SUMF1: variants seen among roughly 807,000 people sequenced by gnomAD.
SUMF1 encodes formylglycine-generating enzyme.
Under a neutral mutation model 47.6 loss-of-function variants are expected in SUMF1, and 48 were observed. The ratio of observed to expected loss-of-function variants is 1.01; its 90% confidence interval spans 0.80 to 1.28. The LOEUF (loss-of-function observed/expected upper bound fraction) is 1.28. Among genes scored for constraint, SUMF1 ranks in the 50% most tolerant of loss-of-function variants. The pLI is 0.00. For missense variants in SUMF1, 571 were observed against 485.4 expected (o/e 1.18, Z -1.66); for synonymous variants, 230 against 192.1 (o/e 1.20, Z -1.63).
chr3:4,114,461 C>T (rs1000847618), intron 8 of SUMF1, among the ~76,000 whole-genome samples: 1 of 152,152 alleles, frequency 6.6e-6, no homozygotes, highest in Admixed American at 6.5e-5. Flanking sequence ...TGTAACTGTT[C>T]ATATGATTTT....
rs1205765642 is a variant in SUMF1, at chr3:4,447,603, A to AC, written c.519+1662_519+1663insG. ...AAAAAAAAAAAGGTCTGGTGCAGTG[A>AC]ATGAAGGTAAGTCAGACCTTATGAG... On this transcript the variant is annotated intron_variant, in intron 3 of 8. Transcript: ENST00000272902. Among the ~76,000 whole-genome samples the AC allele has an allele frequency of 2.8e-3, 433 of 152,324 alleles. 2 individuals are homozygous for AC. The highest frequency in any genetic ancestry group is 9.8e-3 in the African/African-American group (407 of 41,574).
intron 8 of SUMF1, among the ~76,000 whole-genome samples, chr3:4,236,354 C>T (rs1696409206): frequency 6.6e-6 from 1 of 152,002 alleles, no homozygotes. Flanking sequence ...ATATAAGCAC[C>T]TTACAACTAC....
At chr3:4,307,180 C>T (rs980520983) in intron 8 of SUMF1, among the ~76,000 whole-genome samples, 1 of 152,158 alleles carries the variant, frequency 6.6e-6, no homozygotes, top group African/African-American at 2.4e-5. Flanking sequence ...AGGTTTTAAG[C>T]CTAGAATGTT....
chr3:4,069,957 C>G (rs1219603427), intron 8 of SUMF1, among the ~76,000 whole-genome samples: 2 of 152,118 alleles, frequency 1.3e-5, no homozygotes, highest in African/African-American at 2.4e-5. Flanking sequence ...GCCAGATACG[C>G]TTTTAGCTCT....
intron 8 of SUMF1, among the ~76,000 whole-genome samples, chr3:4,369,418 G>T (rs567256269): frequency 6.6e-6 from 1 of 152,242 alleles, no homozygotes. Flanking sequence ...TCCATGCAGG[G>T]CCTACTCGTC....
chr3:4,129,364 G>A (rs926949228), intron 8 of SUMF1, among the ~76,000 whole-genome samples: 3 of 152,062 alleles, frequency 2.0e-5, no homozygotes, highest in Non-Finnish European at 4.4e-5. Context: ...TTCTGGCATT[G>A]GCTAATCAAT....
At chr3:4,045,189 G>C (rs763637135) in intron 9 of SUMF1, among the ~76,000 whole-genome samples, 8 of 152,128 alleles carry the variant, frequency 5.3e-5, no homozygotes, top group Non-Finnish European at 8.8e-5. Context: ...GGTGGGTCTA[G>C]TTCAATCCAT....
intron 1 of SUMF1, among the ~76,000 whole-genome samples, chr3:4,455,318 A>C (rs1435165647): frequency 6.6e-6 from 1 of 152,248 alleles, no homozygotes; most frequent in Non-Finnish European, 1.5e-5. Context: ...ATAACCTTGA[A>C]AAAAATGAAT....
At chr3:4,124,194 G>A (rs1389644966) in intron 8 of SUMF1, among the ~76,000 whole-genome samples, 1 of 152,024 alleles carries the variant, frequency 6.6e-6, no homozygotes, top group Non-Finnish European at 1.5e-5. Context: ...CTGCACTTGG[G>A]GAGACAGAAT....
intron 8 of SUMF1, among the ~76,000 whole-genome samples, chr3:4,162,388 G>C (rs1483318422): frequency 6.6e-6 from 1 of 152,164 alleles, no homozygotes; most frequent in South Asian, 2.1e-4. Context: ...ACTTGACTAG[G>C]ACTTGCAGTC....
In SUMF1 at chr3:4,241,202, A is replaced by G. The variant is rs566978815; in HGVS notation, c.1014+135128T>C. ...TCTCCAAATATATCTGTGTAATAGAACATTTCCACAGAGTGCAAAGGATCT... is the reference window on the plus strand; with the variant it reads ...TCTCCAAATATATCTGTGTAATAGAGCATTTCCACAGAGTGCAAAGGATCT... On this transcript the variant is annotated intron_variant and NMD_transcript_variant, in intron 8 of 12. Transcript: ENST00000448413. 2.4e-4 allele frequency among the ~76,000 whole-genome samples: 36 copies of G among 152,292 alleles called. 1 individual carries two copies. In the South Asian group the frequency reaches 7.5e-3, roughly 32 times the overall value.
chr3:4,261,591 A>G (rs534564107), intron 8 of SUMF1, among the ~76,000 whole-genome samples: 3 of 152,322 alleles, frequency 2.0e-5, no homozygotes, highest in South Asian at 2.1e-4. Context: ...CTTAGGTGTC[A>G]ACCATCTGCA....
intron 8 of SUMF1, among the ~76,000 whole-genome samples, chr3:4,107,374 C>T (rs1693182191): frequency 2.0e-5 from 3 of 152,096 alleles, no homozygotes; most frequent in Admixed American, 2.0e-4. Flanking sequence ...TTACTATTCA[C>T]AACACCCTAG....
intron 8 of SUMF1, among the ~76,000 whole-genome samples, chr3:4,345,074 G>A (rs1699347959): frequency 1.3e-5 from 2 of 152,150 alleles, no homozygotes. Context: ...GTACCAGAAG[G>A]AGACAGGGAG....
At chr3:4,175,577 T>C (rs1206886618) in intron 8 of SUMF1, among the ~76,000 whole-genome samples, 4 of 152,102 alleles carry the variant, frequency 2.6e-5, no homozygotes, top group African/African-American at 4.8e-5. Flanking sequence ...ACCACAAAGA[T>C]GGGGAGAAAC....
At chr3:4,202,157 A>G (rs1695553927) in intron 8 of SUMF1, among the ~76,000 whole-genome samples, 1 of 151,980 alleles carries the variant, frequency 6.6e-6, no homozygotes, top group Non-Finnish European at 1.5e-5. Context: ...CTTGTGGGAT[A>G]TTACCAAAGA....
chr3:4,144,586 A>G (rs1459253608), intron 8 of SUMF1, among the ~76,000 whole-genome samples: 2 of 152,144 alleles, frequency 1.3e-5, no homozygotes, highest in Non-Finnish European at 2.9e-5. Context: ...TTTCAATATT[A>G]GACTTTAAGA....
rs150629856 is a variant in SUMF1 at position 4,232,789 on chromosome 3, C to T, written c.1014+143541G>A. 6.3e-3 allele frequency among the ~76,000 whole-genome samples: 954 copies of T among 151,998 alleles called. 11 individuals carry two copies. Among genetic ancestry groups the T allele is most frequent in the African/African-American group, 0.022 (908 of 41,472 alleles). On this transcript the variant is annotated intron_variant and NMD_transcript_variant, in intron 8 of 12. Coordinates refer to the SUMF1 transcript ENST00000448413. ...ATACATTCTCAGCACCTTAGATGTCCGTAGCTGTTGTGCGTTAAGAAAGAA... is the reference window on the plus strand; with the variant it reads ...ATACATTCTCAGCACCTTAGATGTCTGTAGCTGTTGTGCGTTAAGAAAGAA...
intron 7 of SUMF1, among the ~76,000 whole-genome samples, chr3:4,395,073 T>C (rs544866464): frequency 6.6e-6 from 1 of 152,290 alleles, no homozygotes; most frequent in Admixed American, 6.5e-5. Flanking sequence ...ATAATCACCC[T>C]GTAAAGCAGG....
Sources: gnomAD v4.1 joint callset for allele counts (sites outside exome capture counted in the v4.1 genomes callset) on GRCh38, gnomAD v4.1.1 for gene constraint, MANE v1.5 for transcripts, NCBI Gene and HGNC (gene_info 2026-07-23, HGNC 2026-07-21) for gene names.